SLC3A2: variants seen among roughly 807,000 people sequenced by gnomAD.
The protein encoded by SLC3A2 is amino acid transporter heavy chain SLC3A2.
SLC3A2 carries 32 observed loss-of-function variants against 48.5 expected under a neutral mutation model. The observed-to-expected ratio is 0.66, with a 90% confidence interval of 0.50 to 0.89. The LOEUF is 0.89. Among genes scored for constraint, SLC3A2 ranks in the 40% least tolerant of loss-of-function variants. The pLI is 0.00. For missense variants in SLC3A2, 587 were observed against 680.7 expected (o/e 0.86, Z 1.53); for synonymous variants, 277 against 288.8 (o/e 0.96, Z 0.41).
chr11:62,884,725 A>G, intron 5 of SLC3A2, 35 bp downstream of exon 5: 1 of 1,553,410 alleles, frequency 6.4e-7, no homozygotes. Context: ...ACTCAGCTCC[A>G]ATGTGGGAAC....
In SLC3A2 at chr11:62,882,054, G is replaced by T. The variant is rs758143162; in HGVS notation, c.586G>T (p.Ala196Ser). The change falls in exon 2 of 9, where the codon GCT becomes TCT. Residue 196 changes from alanine (A) to serine (S), a missense_variant. Physicochemically the swap from Ala to Ser is moderately conservative, Grantham distance 99. Around this residue, in one of 3 missense-constraint regions of SLC3A2, gnomAD observed 409 missense variants for 446.7 expected, o/e 0.92. Transcript: ENST00000338663. ...KEDFDSLLQS[A>S]KKKSIRVILD... is the part of the protein sequence containing the mutation. ...AGATTTTGACAGTCTCTTGCAATCGGCTAAAAAAAAGAGTGGGTATCCTGG... is the reference window on the plus strand; with the variant it reads ...AGATTTTGACAGTCTCTTGCAATCGTCTAAAAAAAAGAGTGGGTATCCTGG... The T allele has an allele frequency of 1.9e-6, 3 of 1,613,882 alleles. No homozygotes were observed. Among genetic ancestry groups the T allele is most frequent in the Non-Finnish European group, 2.5e-6 (3 of 1,179,960 alleles).
At chr11:62,873,969 ATTTTTTTTTTTTTT>A (rs573491653) in intron 1 of SLC3A2, among the ~76,000 whole-genome samples, 47 of 38,906 alleles carry the variant, frequency 1.2e-3, no homozygotes, top group African/African-American at 2.9e-3. Context: ...TGCCCAGCTA[ATTTTTTTTTTTTTT>A]TTTTTTTTTT....
chr11:62,878,092 C>G (rs923672271), upstream of SLC3A2, among the ~76,000 whole-genome samples: 2 of 151,280 alleles, frequency 1.3e-5, no homozygotes, highest in African/African-American at 4.9e-5. Flanking sequence ...CTGAGAGGCA[C>G]AGGTTGCAGT....
In SLC3A2 at chr11:62,880,961, C is replaced by T. The variant is rs2135006975; in HGVS notation, c.-63C>T. On this transcript the variant is annotated 5_prime_UTR_variant, in exon 1 of 9. Coordinates refer to ENST00000338663, the MANE Select transcript of SLC3A2 (RefSeq NM_001013251.3). The stretch of plus-strand genomic sequence containing the variant: ...GGAGAGCGTTCTGGGTCCGAGGGTC[C>T]AGGTAGGGGTTGAGCCACCATCTGA... 1 of 1,504,818 alleles carries T rather than the reference C, an allele frequency of 6.6e-7. No homozygotes were observed. Among genetic ancestry groups the T allele is most frequent in the East Asian group, 2.3e-5 (1 of 43,224 alleles). The allele number at this position is 1,504,818 out of a possible 1,614,324, so 93.2% of individuals were successfully genotyped here. A position where few individuals can be genotyped will look rare whatever the true frequency, so the allele number is the denominator to read the frequency against.
chr11:62,869,191 G>C (rs1452401774), intron 1 of SLC3A2, among the ~76,000 whole-genome samples: 1 of 151,680 alleles, frequency 6.6e-6, no homozygotes, highest in Non-Finnish European at 1.5e-5. Flanking sequence ...GAGACACCAC[G>C]CCTGGCCTGA....
chr11:62,877,889 G>A (rs1223119920), upstream of SLC3A2, among the ~76,000 whole-genome samples: 3 of 152,202 alleles, frequency 2.0e-5, no homozygotes, highest in Non-Finnish European at 4.4e-5. Context: ...GGGCACAGTG[G>A]CTCATGCCTG....
chr11:62,882,690 AC>A, intron 2 of SLC3A2: 1 of 517,572 alleles, frequency 1.9e-6, no homozygotes, highest in Non-Finnish European at 3.5e-6. Flanking sequence ...CAACATGTTG[AC>A]CGGTCTGGTT....
rs1295920295 is a variant in SLC3A2, at chr11:62,888,578, C to G, written c.1475C>G (p.Ala492Gly). ...GCCAGCGCCAGCCTGCCAGCCAAGG[C>G]TGACCTCCTGCTCAGCACCCAGCCA... ...LPASASLPAK[A>G]DLLLSTQPGR... The change falls in exon 9 of 9, where the codon GCT becomes GGT. Residue 492 changes from alanine to glycine, a missense_variant. By Grantham distance (60) the Ala-to-Gly change is moderately conservative. Transcript: ENST00000338663. 6.2e-7 allele frequency: 1 copy of G among 1,613,832 alleles called. No homozygotes were observed. Among genetic ancestry groups the G allele is most frequent in the Non-Finnish European group, 8.5e-7 (1 of 1,180,030 alleles).
intron 1 of SLC3A2, chr11:62,871,568 T>C: frequency 1.6e-6 from 1 of 642,206 alleles, no homozygotes; most frequent in Non-Finnish European, 2.8e-6. Flanking sequence ...TTATTATTAT[T>C]ATTTGTAGAG....
At chr11:62,860,390 A>G (rs977720845) in intron 1 of SLC3A2, among the ~76,000 whole-genome samples, 2 of 151,730 alleles carry the variant, frequency 1.3e-5, no homozygotes, top group Non-Finnish European at 2.9e-5. Context: ...CTGTAGTCCC[A>G]GCTACTTGGG....
rs192375207 is a variant in SLC3A2, at chr11:62,872,157, C to T, written c.113-8862C>T. Among the ~76,000 whole-genome samples the T allele has an allele frequency of 1.4e-4, 21 of 152,190 alleles. No homozygotes were observed. In the East Asian group the frequency reaches 2.9e-3, roughly 21 times the overall value. The stretch of plus-strand genomic sequence containing the variant: ...GTCTCGATCTCCTGACCTTGTGATC[C>T]GTCTGCCTGGCCTCCCAAAGTGCTG... On this transcript the variant is annotated intron_variant, in intron 1 of 9. Coordinates refer to the SLC3A2 transcript ENST00000377889.
chr11:62,883,001 T>TGA lies in SLC3A2; in HGVS notation c.690+4_690+5dup, dbSNP rs2085662916. On this transcript the variant is annotated splice_region_variant and intron_variant, in intron 3 of 8. Transcript: ENST00000338663. ...GACACTGTGGCCACCAAGGTGAAGG[T>TGA]GAGTGTTGGAGCTGATGGCTGGTGG... is the stretch of plus-strand genomic sequence containing the variant. 2 of 1,613,718 alleles carry TGA rather than the reference T, an allele frequency of 1.2e-6. No individual in the cohort carries two copies. The highest frequency in any genetic ancestry group is 3.3e-5 in the Admixed American group (2 of 59,988).
At chr11:62,868,924 G>A (rs1373018056) in intron 1 of SLC3A2, among the ~76,000 whole-genome samples, 1 of 149,936 alleles carries the variant, frequency 6.7e-6, no homozygotes, top group Non-Finnish European at 1.5e-5. Flanking sequence ...TTTTTGAGAC[G>A]GTCTCATTCT....
At chr11:62,877,927 C>T (rs554468451), upstream of SLC3A2, among the ~76,000 whole-genome samples, 2 of 152,250 alleles carry the variant, frequency 1.3e-5, no homozygotes, top group Admixed American at 6.5e-5. Flanking sequence ...GAGGCTGAGG[C>T]GGGCAGATCA....
intron 1 of SLC3A2, among the ~76,000 whole-genome samples, chr11:62,863,203 G>A (rs984876538): frequency 2.0e-5 from 3 of 152,242 alleles, no homozygotes; most frequent in Admixed American, 1.3e-4. Context: ...TTACAGGCGT[G>A]AGCCACCACT....
At chr11:62,875,207 A>T (rs1281955823) in intron 1 of SLC3A2, among the ~76,000 whole-genome samples, 1 of 152,158 alleles carries the variant, frequency 6.6e-6, no homozygotes, top group Non-Finnish European at 1.5e-5. Context: ...CAGTCTCCTG[A>T]AGAGTTTCTA....
At chr11:62,857,602 A>G (rs902376629) in intron 1 of SLC3A2, among the ~76,000 whole-genome samples, 2 of 141,932 alleles carry the variant, frequency 1.4e-5, no homozygotes, top group South Asian at 4.8e-4. Flanking sequence ...AGGTGGGAGG[A>G]TTGCTTGAGC....
intron 1 of SLC3A2, among the ~76,000 whole-genome samples, chr11:62,863,859 C>T (rs2085425839): frequency 6.6e-6 from 1 of 152,188 alleles, no homozygotes. Flanking sequence ...TCCAGAATCT[C>T]AGGGACTTGC....
intron 1 of SLC3A2, chr11:62,871,676 A>G (rs1590625253): frequency 3.3e-6 from 2 of 610,810 alleles, no homozygotes; most frequent in South Asian, 1.9e-5. Flanking sequence ...ACAGGTAATT[A>G]TTATTTTAGC....
Sources: allele counts gnomAD v4.1 joint callset (sites outside exome capture counted in the v4.1 genomes callset), GRCh38; gene constraint gnomAD v4.1.1; regional missense constraint gnomAD v4.1.1; transcripts MANE v1.5; gene names NCBI Gene and HGNC (gene_info 2026-07-23, HGNC 2026-07-21).